Variants in APOL4 observed in about 807,000 individuals in gnomAD.
APOL4 encodes the protein apolipoprotein L4.
In APOL4, 14 loss-of-function variants were observed where a neutral mutation model predicts 12.1. The ratio of observed to expected loss-of-function variants is 1.16; its 90% CI spans 0.76 to 1.81. APOL4 has a LOEUF of 1.81. Among genes scored for constraint, APOL4 ranks in the 40% most tolerant of loss-of-function variants. APOL4 has a pLI of 0.00. For synonymous variants in APOL4, 171 were observed against 160.6 expected (o/e 1.06, Z -0.49); for missense variants, 432 against 423.1 (o/e 1.02, Z -0.18).
chr22:36,203,203 C>T (rs777051512), upstream of APOL4, among the ~76,000 whole-genome samples: 4 of 152,178 alleles, frequency 2.6e-5, no homozygotes, highest in Admixed American at 6.5e-5. Flanking sequence ...TGCTCCTAGG[C>T]GGATCGGCAG....
Position 36,201,778 on chromosome 22 carries a change from C to A in APOL4, c.-44G>T. 1.3e-6 allele frequency: 2 copies of A among 1,591,100 alleles called. No individual in the cohort carries two copies. Among genetic ancestry groups the A allele is most frequent in the Non-Finnish European group, 1.7e-6 (2 of 1,168,524 alleles). ...GCCTGGCTCAGACGCTGATCTGGGG[C>A]CTCTGCTGAATGTTGAGGCTGGATA... is the stretch of plus-strand genomic sequence containing the variant. On this transcript the variant is annotated 5_prime_UTR_variant, in exon 1 of 4. Coordinates refer to ENST00000683024, the MANE Select transcript of APOL4 (RefSeq NM_001386885.1).
intron 2 of APOL4, among the ~76,000 whole-genome samples, chr22:36,196,026 C>T (rs574158441): frequency 7.2e-5 from 11 of 152,178 alleles, no homozygotes; most frequent in Admixed American, 2.0e-4. Flanking sequence ...GGAAGTGCCA[C>T]GATGCTTTGT....
chr22:36,202,148 C>T (rs550357543), upstream of APOL4: 10 of 1,561,254 alleles, frequency 6.4e-6, no homozygotes, highest in African/African-American at 4.1e-5. Context: ...GCTGTGTCAC[C>T]CAGGCTGCAG....
At chr22:36,195,044 G>T in intron 3 of APOL4, 1 of 344,076 alleles carries the variant, frequency 2.9e-6, no homozygotes, top group Non-Finnish European at 5.3e-6. Flanking sequence ...AAAGCAGAAA[G>T]TAGTCAAGTA....
At chr22:36,203,499 T>C (rs1329691002), upstream of APOL4, among the ~76,000 whole-genome samples, 1 of 152,168 alleles carries the variant, frequency 6.6e-6, no homozygotes, top group African/African-American at 2.4e-5. Flanking sequence ...GCGTCAGTAA[T>C]TTCTAACAGA....
chr22:36,191,414 G>A lies in APOL4; in HGVS notation c.708C>T (p.Ala236=), dbSNP rs1438688978. 1.2e-6 allele frequency: 2 copies of A among 1,614,018 alleles called. No individual in the cohort carries two copies. ...VLSFALDFDE[A]TKMIANDVHT... Reference sequence around the variant, plus strand: ...GGACATCATTCGCAATCATTTTTGTGGCTTCGTCAAAATCAAGTGCAAAAG... The same window carrying A: ...GGACATCATTCGCAATCATTTTTGTAGCTTCGTCAAAATCAAGTGCAAAAG... Residue 236 remains alanine, a synonymous_variant, in exon 4 of 4, where the codon GCC becomes GCT. Coordinates refer to ENST00000683024, the MANE Select transcript of APOL4 (RefSeq NM_001386885.1).
At position 36,191,247 on chromosome 22, in the gene APOL4, G is replaced by A; in HGVS notation, c.875C>T (p.Ala292Val). The change falls in exon 4 of 4, where the codon GCC becomes GTC. Residue 292 changes from alanine to valine, a missense_variant. Transcript: ENST00000683024. ...VRKVARNLGK[A>V]TSGVLVVLDV... ...CAGCACAACAAGGACACCTGAAGTG[G>A]CCTTGCCCAGGTTCCGGGCTACTTT... 1 of 1,614,042 alleles carries A rather than the reference G, an allele frequency of 6.2e-7. No homozygotes were observed. Among genetic ancestry groups the A allele is most frequent in the Non-Finnish European group, 8.5e-7 (1 of 1,179,892 alleles).
intron 1 of APOL4, among the ~76,000 whole-genome samples, chr22:36,199,890 C>T (rs59250221): frequency 0.1 from 15,156 of 152,138 alleles, 855 homozygotes; most frequent in African/African-American, 0.14. Flanking sequence ...TCACTGCAAG[C>T]GCCGCCTCCC....
At chr22:36,197,219 C>G (rs1317660131) in intron 2 of APOL4, among the ~76,000 whole-genome samples, 1 of 152,174 alleles carries the variant, frequency 6.6e-6, no homozygotes, top group Non-Finnish European at 1.5e-5. Flanking sequence ...CTTCCCTGCC[C>G]TCCCCTCATC....
At chr22:36,203,895 G>A (rs538301416), upstream of APOL4, among the ~76,000 whole-genome samples, 10 of 152,232 alleles carry the variant, frequency 6.6e-5, no homozygotes, top group South Asian at 6.2e-4. Flanking sequence ...CTTTTATTCC[G>A]TAGCAATAGT....
intron 2 of APOL4, chr22:36,197,574 C>G: frequency 7.0e-7 from 1 of 1,425,730 alleles, no homozygotes. Context: ...ACCTTCAGAA[C>G]AGCTGTAACC....
Position 36,190,967 on chromosome 22 carries a change from T to C in APOL4, c.*108A>G. On this transcript the variant is annotated 3_prime_UTR_variant, in exon 4 of 4. Transcript: ENST00000683024. ...GCATAGGAAATTATAAAAGTATTAA[T>C]TTGGGGAACTAATAAATGTCCATGA... is the stretch of plus-strand genomic sequence containing the variant. The C allele has an allele frequency of 1.0e-6, 1 of 968,570 alleles. No homozygotes were observed. The highest frequency in any genetic ancestry group is 1.7e-5 in the African/African-American group (1 of 59,912). The allele number at this position is 968,570 out of a possible 1,614,324, so 60.0% of individuals were successfully genotyped here.
intron 2 of APOL4, among the ~76,000 whole-genome samples, chr22:36,196,403 G>C (rs954851636): frequency 1.3e-5 from 2 of 152,184 alleles, no homozygotes; most frequent in African/African-American, 4.8e-5. Flanking sequence ...AAGGGACAGA[G>C]GGTGCATATG....
At chr22:36,204,400 C>G (rs1035914922), upstream of APOL4, among the ~76,000 whole-genome samples, 1 of 152,198 alleles carries the variant, frequency 6.6e-6, no homozygotes, top group Non-Finnish European at 1.5e-5. Context: ...GTGAACCCAT[C>G]TGAGCTATTT....
At chr22:36,201,870 C>T (rs923177747), upstream of APOL4, 10 of 1,583,576 alleles carry the variant, frequency 6.3e-6, no homozygotes, top group African/African-American at 1.4e-5. Flanking sequence ...TGGTCAATTC[C>T]GGGAAGTGAT....
At chr22:36,202,595 G>T (rs956865299), upstream of APOL4, among the ~76,000 whole-genome samples, 1 of 151,954 alleles carries the variant, frequency 6.6e-6, no homozygotes, top group African/African-American at 2.4e-5. Context: ...GTGTAGTGGC[G>T]GGCGCCTGTA....
chr22:36,194,071 C>T (rs1001797129), intron 3 of APOL4, among the ~76,000 whole-genome samples: 3 of 152,208 alleles, frequency 2.0e-5, no homozygotes, highest in African/African-American at 7.2e-5. Flanking sequence ...TGCATTTGGA[C>T]AAGATGGTAG....
At position 36,196,995 on chromosome 22, in the gene APOL4, C is replaced by A. The variant is rs147175380; in HGVS notation, c.83-1558G>T. On this transcript the variant is annotated intron_variant, in intron 2 of 3. Coordinates refer to ENST00000683024, the MANE Select transcript of APOL4 (RefSeq NM_001386885.1). Reference sequence around the variant, plus strand: ...CTTTAGGTGGGCAGGGGAGTGGGACCCTCAGCACTGATCCTTGTGGCCCCT... The same window carrying A: ...CTTTAGGTGGGCAGGGGAGTGGGACACTCAGCACTGATCCTTGTGGCCCCT... 6.4e-4 allele frequency among the ~76,000 whole-genome samples: 98 copies of A among 152,248 alleles called. 1 individual carries two copies. In the East Asian group the frequency reaches 0.015, roughly 24 times the overall value.
rs937646778 is a variant in APOL4, at chr22:36,200,169, G to C, written c.36-793C>G. Among the ~76,000 whole-genome samples the C allele has an allele frequency of 5.9e-5, 9 of 152,156 alleles. 1 individual carries two copies. Among genetic ancestry groups the C allele is most frequent in the African/African-American group, 2.2e-4 (9 of 41,436 alleles). ...TGATCACACACAGCCCGGGAGATGG[G>C]TACCACTTTCCCATTTGAACACAGA... On this transcript the variant is annotated intron_variant, in intron 1 of 3. Transcript: ENST00000683024.
Sources: gnomAD v4.1 joint callset for allele counts (sites outside exome capture counted in the v4.1 genomes callset) on GRCh38, gnomAD v4.1.1 for gene constraint, MANE v1.5 for transcripts, NCBI Gene and HGNC (gene_info 2026-07-23, HGNC 2026-07-21) for gene names.